The following TLK1 variants were observed in gnomAD, a reference collection of about 807,000 sequenced individuals.
The protein encoded by TLK1 is tousled like kinase 1.
TLK1 carries 24 observed loss-of-function variants against 105.3 expected under a neutral mutation model. The ratio of observed to expected loss-of-function variants is 0.23; its 90% CI spans 0.17 to 0.32. The LOEUF (loss-of-function observed/expected upper bound fraction) is 0.32, where lower values mean the gene tolerates loss of function less well. TLK1 is among the 10% of genes least tolerant of loss of function. The probability of loss-of-function intolerance (pLI) is 1.00; values close to 1 mark genes in which losing one functional copy is unlikely to be tolerated. For synonymous variants in TLK1, 321 were observed against 310.4 expected (o/e 1.03, Z -0.36); for missense variants, 558 against 910.5 (o/e 0.61, Z 4.98).
chr2:171,038,481 T>TA (rs1686485327), intron 11 of TLK1, among the ~76,000 whole-genome samples: 1 of 152,192 alleles, frequency 6.6e-6, no homozygotes, highest in Non-Finnish European at 1.5e-5. Context: ...CTCTTTCAGA[T>TA]ACATTTTACC....
At chr2:171,207,171 A>G (rs1196133875) in intron 1 of TLK1, among the ~76,000 whole-genome samples, 1 of 152,238 alleles carries the variant, frequency 6.6e-6, no homozygotes. Flanking sequence ...AGATGAATGG[A>G]TAAATAGTGG....
intron 8 of TLK1, among the ~76,000 whole-genome samples, chr2:171,051,147 T>C (rs1017213334): frequency 2.0e-5 from 3 of 152,200 alleles, no homozygotes; most frequent in Non-Finnish European, 2.9e-5. Flanking sequence ...GTGTGTATGA[T>C]GCATATGCAA....
chr2:171,026,644 A>G (rs1295772206), intron 12 of TLK1, among the ~76,000 whole-genome samples: 5 of 152,174 alleles, frequency 3.3e-5, no homozygotes, highest in Non-Finnish European at 7.4e-5. Flanking sequence ...TTCCTTTATC[A>G]CCACAGGCTG....
rs566951035 is a variant in TLK1 at position 171,046,944 on chromosome 2, TA to T, written c.981-583del. Among the ~76,000 whole-genome samples, 709 of 152,068 alleles carry T rather than the reference TA, an allele frequency of 4.7e-3. 5 individuals are homozygous for T. Among genetic ancestry groups the T allele is most frequent in the Admixed American group, 7.6e-3 (116 of 15,268 alleles). ...AGTTATTTTCTAAATCTACTTTTGT[TA>T]AAAAAAATTGGTAATGGGAAGTTGG... On this transcript the variant is annotated intron_variant, in intron 10 of 20. Transcript: ENST00000431350.
intron 11 of TLK1, among the ~76,000 whole-genome samples, chr2:171,044,926 C>T (rs182390437): frequency 6.6e-6 from 1 of 152,150 alleles, no homozygotes; most frequent in East Asian, 1.9e-4. Flanking sequence ...TAAGAAAGGG[C>T]AACTGGAAGA....
At chr2:171,045,782 A>G (rs1339017678) in intron 11 of TLK1, 1 of 160,930 alleles carries the variant, frequency 6.2e-6, no homozygotes, top group Non-Finnish European at 1.3e-5. Context: ...ATAACCCACT[A>G]ATGAACTGCT....
At chr2:171,009,291 C>CTTTTTTTTTTTTTTTT (rs71008743) in intron 14 of TLK1, among the ~76,000 whole-genome samples, 2 of 74,832 alleles carry the variant, frequency 2.7e-5, no homozygotes, top group African/African-American at 1.2e-4. Flanking sequence ...ATTTCTTTTC[C>CTTTTTTTTTTTTTTTT]TTTTTTTTTT....
intron 18 of TLK1, 103 bp from the exon 19 acceptor site, chr2:170,997,926 C>T (rs1028644079): frequency 1.2e-5 from 7 of 590,530 alleles, no homozygotes; most frequent in Non-Finnish European, 2.0e-5. Context: ...CATATATAAA[C>T]TCTAGGACTC....
In TLK1 at chr2:171,086,581, G is replaced by A. The variant is rs140465799; in HGVS notation, c.259-3729C>T. 3.4e-4 allele frequency among the ~76,000 whole-genome samples: 51 copies of A among 149,204 alleles called. 2 individuals carry two copies. In the East Asian group the frequency reaches 9.3e-3, roughly 27 times the overall value. ...ACAGAGGTTAAAGTGAGCAGAGATC[G>A]CACCACTATATGCCAGCCTGGGCAA... On this transcript the variant is annotated intron_variant, in intron 2 of 20. Coordinates refer to ENST00000431350, the MANE Select transcript of TLK1 (RefSeq NM_012290.5).
At chr2:171,201,899 AT>A (rs1249430324) in intron 1 of TLK1, among the ~76,000 whole-genome samples, 9 of 29,580 alleles carry the variant, frequency 3.0e-4, no homozygotes, top group Non-Finnish European at 2.2e-4. Flanking sequence ...ATCAGCTATC[AT>A]CTATCTATCT....
intron 3 of TLK1, among the ~76,000 whole-genome samples, chr2:171,073,381 C>T (rs997615365): frequency 1.3e-5 from 2 of 152,130 alleles, no homozygotes; most frequent in African/African-American, 4.8e-5. Context: ...TGTTTGCTTG[C>T]TAAATAGCTT....
intron 1 of TLK1, among the ~76,000 whole-genome samples, chr2:171,229,473 A>G (rs1693953778): frequency 6.6e-6 from 1 of 152,194 alleles, no homozygotes; most frequent in Non-Finnish European, 1.5e-5. Flanking sequence ...GTTTAGTTCT[A>G]GCTGCCAGCT....
At chr2:171,082,740 T>C in intron 3 of TLK1, 41 bp downstream of exon 3, 1 of 1,450,514 alleles carries the variant, frequency 6.9e-7, no homozygotes, top group Non-Finnish European at 9.6e-7. Context: ...TGATTCCAGC[T>C]TTTACTTTAA....
intron 1 of TLK1, among the ~76,000 whole-genome samples, chr2:171,148,907 ATATATG>A (rs202227842): frequency 2.8e-5 from 4 of 141,062 alleles, no homozygotes; most frequent in Non-Finnish European, 4.6e-5. Flanking sequence ...ATATATATAT[ATATATG>A]TGTGTGTGTG....
intron 18 of TLK1, among the ~76,000 whole-genome samples, chr2:171,000,628 A>C (rs552001161): frequency 6.6e-6 from 1 of 151,974 alleles, no homozygotes; most frequent in Non-Finnish European, 1.5e-5. Context: ...TAGACTGAGG[A>C]GGGGTTAGTT....
In TLK1 at chr2:171,180,161, G is replaced by A. The variant is rs959818300; in HGVS notation, c.-6+50984C>T. Among the ~76,000 whole-genome samples, 129 of 151,540 alleles carry A rather than the reference G, an allele frequency of 8.5e-4. 2 individuals carry two copies. Among genetic ancestry groups the A allele is most frequent in the African/African-American group, 3.0e-3 (123 of 41,322 alleles). ...GACGTCTATAATCCCAGCTACTCGG[G>A]GCCACTGCACTCTGGCTCTGGCCTG... On this transcript the variant is annotated intron_variant, in intron 1 of 20. Transcript: ENST00000521943.
intron 1 of TLK1, chr2:171,153,757 C>CT (rs1016365487): frequency 1.4e-4 from 22 of 152,302 alleles, no homozygotes; most frequent in African/African-American, 3.4e-4. Context: ...ACTTACTTCA[C>CT]TTCCGGGTAT....
intron 12 of TLK1, among the ~76,000 whole-genome samples, chr2:171,019,280 AGC>A (rs1467865232): frequency 1.3e-5 from 2 of 152,344 alleles, no homozygotes; most frequent in African/African-American, 2.4e-5. Flanking sequence ...TGTAGGCTGT[AGC>A]AATGTAGAAT....
chr2:171,079,193 C>T (rs936569958), intron 3 of TLK1, among the ~76,000 whole-genome samples: 2 of 152,194 alleles, frequency 1.3e-5, no homozygotes, highest in Admixed American at 1.3e-4. Context: ...ATCCTAGTCC[C>T]TCTGTATACC....
Sources: gnomAD v4.1 joint callset for allele counts (sites outside exome capture counted in the v4.1 genomes callset) on GRCh38, gnomAD v4.1.1 for gene constraint, MANE v1.5 for transcripts, NCBI Gene and HGNC (gene_info 2026-07-23, HGNC 2026-07-21) for gene names.